The following SMARCAL1 variants were observed in gnomAD, a reference collection of about 807,000 sequenced individuals.
The protein encoded by SMARCAL1 is ATP-driven annealing helicase.
A neutral mutation model predicts 94.5 loss-of-function variants in SMARCAL1; 58 were observed. The ratio of observed to expected loss-of-function variants is 0.61; its 90% CI spans 0.50 to 0.76. SMARCAL1 has a LOEUF of 0.76. Ranked by LOEUF, SMARCAL1 falls within the 30% of genes least tolerant of loss-of-function variation. SMARCAL1 has a pLI of 0.00. For synonymous variants in SMARCAL1, 422 were observed against 455.1 expected, an observed-to-expected ratio of 0.93 and a Z score of 0.93; for missense variants, 1,051 against 1,177.9, an observed-to-expected ratio of 0.89 and a Z score of 1.58.
At chr2:216,420,028 C>CAAAAA (rs60555710) in intron 4 of SMARCAL1, among the ~76,000 whole-genome samples, 4 of 40,132 alleles carry the variant, frequency 1.0e-4, no homozygotes, top group Non-Finnish European at 1.6e-4. Flanking sequence ...GACCCCGTCT[C>CAAAAA]AAAAAAAAAA....
In SMARCAL1 at chr2:216,434,394, T is replaced by C. The variant is rs369658275; in HGVS notation, c.1486-944T>C. 1.0e-3 allele frequency among the ~76,000 whole-genome samples: 156 copies of C among 152,288 alleles called. 1 individual carries two copies. Among genetic ancestry groups the C allele is most frequent in the Middle Eastern group, 0.01 (3 of 294 alleles). ...TAGTCTCGTCATCATCAATAAATGTTTATGATTTGCCTTCAGTGTACCAGG... is the reference window on the plus strand; with the variant it reads ...TAGTCTCGTCATCATCAATAAATGTCTATGATTTGCCTTCAGTGTACCAGG... On this transcript the variant is annotated intron_variant, in intron 8 of 17. Coordinates refer to ENST00000357276, the MANE Select transcript of SMARCAL1 (RefSeq NM_014140.4).
intron 12 of SMARCAL1, among the ~76,000 whole-genome samples, chr2:216,462,269 T>C (rs1309241078): frequency 6.6e-6 from 1 of 152,176 alleles, no homozygotes; most frequent in Non-Finnish European, 1.5e-5. Flanking sequence ...GAGTATGGCA[T>C]GAGTGAGTGT....
In SMARCAL1 at chr2:216,459,377, G is replaced by C. The variant is rs534546477; in HGVS notation, c.2071-5220G>C. Among the ~76,000 whole-genome samples, 184 of 152,286 alleles carry C rather than the reference G, an allele frequency of 1.2e-3. 1 individual carries two copies. The highest frequency in any genetic ancestry group is 4.3e-3 in the African/African-American group (177 of 41,558). On this transcript the variant is annotated intron_variant, in intron 12 of 17. Coordinates refer to ENST00000357276, the MANE Select transcript of SMARCAL1 (RefSeq NM_014140.4). The stretch of plus-strand genomic sequence containing the variant: ...ACCAAAAAAGAGCCCACATTGCCAA[G>C]TCAATCCTAAGCCAAAAGAACAAAG...
chr2:216,478,230 T>C lies in SMARCAL1; in HGVS notation c.2556T>C (p.Val852=), dbSNP rs1574485907. The C allele has an allele frequency of 1.1e-5, 18 of 1,614,158 alleles. No individual in the cohort carries two copies. Among genetic ancestry groups the C allele is most frequent in the Non-Finnish European group, 1.5e-5 (18 of 1,180,014 alleles). Reference sequence around the variant, plus strand: ...CCCTGATTCAAGAGAAGATTAAAGTTCTGGCAGAAGCCGGGCTTTCTGAGA... The same window carrying C: ...CCCTGATTCAAGAGAAGATTAAAGTCCTGGCAGAAGCCGGGCTTTCTGAGA... ...LWPLIQEKIK[V]LAEAGLSETN... Residue 852 remains valine, a synonymous_variant, in exon 17 of 18, where the codon GTT becomes GTC. Coordinates refer to ENST00000357276, the MANE Select transcript of SMARCAL1 (RefSeq NM_014140.4).
At chr2:216,470,164 G>T (rs1694929858) in intron 14 of SMARCAL1, among the ~76,000 whole-genome samples, 1 of 151,156 alleles carries the variant, frequency 6.6e-6, no homozygotes, top group South Asian at 2.1e-4. Flanking sequence ...AATTTATTTT[G>T]TTGGGGAGGG....
At chr2:216,465,689 A>AT (rs113808610) in intron 13 of SMARCAL1, among the ~76,000 whole-genome samples, 13,565 of 148,632 alleles carry the variant, frequency 0.091, 811 homozygotes, top group South Asian at 0.19. Flanking sequence ...AGTTTGCCTG[A>AT]TTTTTTTTTT....
At position 216,447,105 on chromosome 2, in the gene SMARCAL1, A is replaced by G. The variant is rs1295845492; in HGVS notation, c.1798A>G (p.Thr600Ala). 2.5e-6 allele frequency: 4 copies of G among 1,613,962 alleles called. No individual in the cohort carries two copies. The highest frequency in any genetic ancestry group is 2.5e-6 in the Non-Finnish European group (3 of 1,180,030). The change falls in exon 11 of 18, where the codon ACT becomes GCT. Residue 600 changes from threonine to alanine, a missense_variant. Thr to Ala is a moderately conservative substitution (Grantham distance 58). This residue lies in a region of SMARCAL1 where 642 missense variants were observed against 754.7 expected (regional missense o/e 0.85). Transcript: ENST00000357276. ...CACGCAGATCATCGCAGTCAAGCCA[A>G]CTTTCTTCCCCCAGTTTCATGCCTT... Reference protein sequence around the residue: ...LYTQIIAVKPTFFPQFHAFGL... With the variant: ...LYTQIIAVKPAFFPQFHAFGL...
intron 12 of SMARCAL1, among the ~76,000 whole-genome samples, chr2:216,454,877 G>A (rs190897337): frequency 1.1e-3 from 174 of 152,330 alleles, no homozygotes; most frequent in Middle Eastern, 3.4e-3. Context: ...GCAGCACACC[G>A]AGCGTGAGCG....
intron 13 of SMARCAL1, among the ~76,000 whole-genome samples, chr2:216,467,273 C>G (rs1694847900): frequency 6.6e-6 from 1 of 152,074 alleles, no homozygotes; most frequent in Non-Finnish European, 1.5e-5. Context: ...GAGTTTGAGA[C>G]CAGCCTGGCC....
At chr2:216,454,609 A>AG (rs1694520219) in intron 12 of SMARCAL1, among the ~76,000 whole-genome samples, 1 of 152,198 alleles carries the variant, frequency 6.6e-6, no homozygotes, top group African/African-American at 2.4e-5. Context: ...TGATTATTAA[A>AG]TGAGTTAATG....
chr2:216,482,617 CCT>C lies in SMARCAL1; in HGVS notation c.2626-120_2626-119del. 1 of 1,406,360 alleles carries C rather than the reference CCT, an allele frequency of 7.1e-7. No individual in the cohort carries two copies. Among genetic ancestry groups the C allele is most frequent in the Non-Finnish European group, 1.0e-6 (1 of 995,534 alleles). 87.1% of individuals were successfully genotyped at this position (1,406,360 alleles called of 1,614,324 possible). A position where few individuals can be genotyped will look rare whatever the true frequency, so the allele number is the denominator to read the frequency against. On this transcript the variant is annotated intron_variant, in intron 17 of 17. Transcript: ENST00000357276. This position sits in a 1 kb window ranked among gnomAD's most constrained non-coding sequence, Gnocchi z 4.3. Reference sequence around the variant, plus strand: ...ATGCACACTTGCCATCGTGTAGCTCCCTGACACCATGAAATGTGTGGTCTCTC... The same window carrying C: ...ATGCACACTTGCCATCGTGTAGCTCCGACACCATGAAATGTGTGGTCTCTC...
chr2:216,474,868 AGTT>A lies in SMARCAL1; in HGVS notation c.2245-396_2245-394del, dbSNP rs200075683. 2.9e-3 allele frequency among the ~76,000 whole-genome samples: 439 copies of A among 152,288 alleles called. 6 individuals are homozygous for A. Among genetic ancestry groups the A allele is most frequent in the East Asian group, 0.026 (132 of 5,174 alleles). ...GGTAAAAGGATCCTTGCAATGTTGGAGTTGTTGAGTATCTTAACATTGGAGGTG... is the reference window on the plus strand; with the variant it reads ...GGTAAAAGGATCCTTGCAATGTTGGAGTTGAGTATCTTAACATTGGAGGTG... On this transcript the variant is annotated intron_variant, in intron 14 of 17. Coordinates refer to ENST00000357276, the MANE Select transcript of SMARCAL1 (RefSeq NM_014140.4).
intron 12 of SMARCAL1, among the ~76,000 whole-genome samples, chr2:216,453,207 A>G (rs2106057829): frequency 6.6e-6 from 1 of 152,330 alleles, no homozygotes; most frequent in African/African-American, 2.4e-5. Context: ...AGCTCTTCTC[A>G]GTCCAGCACC....
At position 216,415,313 on chromosome 2, in the gene SMARCAL1, C is replaced by T. The variant is rs749052447; in HGVS notation, c.609C>T (p.Asn203=). The change falls in exon 3 of 18, where the codon AAC becomes AAT. Residue 203 remains asparagine (N), a synonymous_variant. Transcript: ENST00000357276. ...CAAAAGCCTCCCCTTCGGGGCAGAA[C>T]ATTTCTTACATCCATTCTAGCTCAG... is the stretch of plus-strand genomic sequence containing the variant. ...KTAKASPSGQ[N]ISYIHSSSES... 11 of 1,614,136 alleles carry T rather than the reference C, an allele frequency of 6.8e-6. No homozygotes were observed. Among genetic ancestry groups the T allele is most frequent in the Non-Finnish European group, 9.3e-6 (11 of 1,180,050 alleles).
intron 13 of SMARCAL1, among the ~76,000 whole-genome samples, chr2:216,465,628 C>G (rs1694815115): frequency 6.6e-6 from 1 of 152,028 alleles, no homozygotes; most frequent in African/African-American, 2.4e-5. Flanking sequence ...GAAAAACCCA[C>G]TCCTATTTAA....
chr2:216,419,703 G>C (rs1015654547), intron 4 of SMARCAL1, among the ~76,000 whole-genome samples: 14 of 152,040 alleles, frequency 9.2e-5, no homozygotes, highest in Admixed American at 3.9e-4. Context: ...TCTTCCCCTT[G>C]TTAATTTCTG....
chr2:216,428,138 G>T (rs954014345), intron 6 of SMARCAL1, among the ~76,000 whole-genome samples: 1 of 152,196 alleles, frequency 6.6e-6, no homozygotes, highest in African/African-American at 2.4e-5. Context: ...GTGATAGCCT[G>T]CAGGACAGCA....
intron 6 of SMARCAL1, among the ~76,000 whole-genome samples, chr2:216,424,043 C>T (rs1349719840): frequency 1.3e-5 from 2 of 152,192 alleles, no homozygotes; most frequent in Non-Finnish European, 2.9e-5. Flanking sequence ...CCATAGATTA[C>T]TTCTAAGAAT....
At chr2:216,476,013 T>C (rs1695069200) in intron 15 of SMARCAL1, among the ~76,000 whole-genome samples, 1 of 151,976 alleles carries the variant, frequency 6.6e-6, no homozygotes, top group Admixed American at 6.6e-5. Flanking sequence ...TGTGCCCCCT[T>C]TAGTAGCCAT....
Sources: gnomAD v4.1 joint callset for allele counts (sites outside exome capture counted in the v4.1 genomes callset) on GRCh38, gnomAD v4.1.1 for gene constraint, gnomAD v4.1.1 regional missense constraint, Gnocchi (gnomAD v3.1) non-coding constraint, MANE v1.5 for transcripts, NCBI Gene and HGNC (gene_info 2026-07-23, HGNC 2026-07-21) for gene names.